The following PRSS21 variants were observed in gnomAD, a reference collection of about 807,000 sequenced individuals.
The protein encoded by PRSS21 is testisin.
PRSS21 carries 40 observed loss-of-function variants against 31.1 expected under a neutral mutation model. That is an observed-to-expected ratio of 1.29 (90% CI 1.00 to 1.68). PRSS21 has a LOEUF of 1.68. PRSS21 is among the 40% of genes most tolerant of loss of function. The pLI, the probability that PRSS21 is intolerant of heterozygous loss-of-function variation, is 0.00. For missense variants in PRSS21, 467 were observed against 412.6 expected, an observed-to-expected ratio of 1.13 and a Z score of -1.14; for synonymous variants, 186 against 167.7, an observed-to-expected ratio of 1.11 and a Z score of -0.84.
chr16:2,817,428 A>C lies in PRSS21; in HGVS notation c.65-2A>C. ...CGGGGAGTCACTTCTTGTCTCCCGC[A>C]GAGTCGCAGGAGGCGGCGCCGTTAT... is the stretch of plus-strand genomic sequence containing the variant. On this transcript the variant is annotated splice_acceptor_variant, in intron 1 of 5. Transcript: ENST00000005995. LOFTEE classifies it high-confidence loss of function. This position sits in a 1 kb window ranked among gnomAD's most constrained non-coding sequence, Gnocchi z 4.2. 3 of 1,577,136 alleles carry C rather than the reference A, an allele frequency of 1.9e-6. No individual in the cohort carries two copies. The highest frequency in any genetic ancestry group is 2.6e-6 in the Non-Finnish European group (3 of 1,165,058).
In PRSS21 at chr16:2,821,163, C is replaced by A. The variant is rs889815966; in HGVS notation, c.705+54C>A. On this transcript the variant is annotated intron_variant, in intron 5 of 5. Transcript: ENST00000005995. ...CAGGAAAGCATCCTGTGTCCCTGTG[C>A]CTTATTTGACCCTCATGCCAACCCC... 12 of 1,602,592 alleles carry A rather than the reference C, an allele frequency of 7.5e-6. No individual in the cohort carries two copies. In the Admixed American group the frequency reaches 1.8e-4, roughly 25 times the overall value.
intron 4 of PRSS21, 88 bp downstream of exon 4, chr16:2,819,057 G>T: frequency 6.8e-7 from 1 of 1,470,774 alleles, no homozygotes; most frequent in East Asian, 2.3e-5. Flanking sequence ...GCTTGGTCTG[G>T]GGGTGCAGGC....
intron 3 of PRSS21, among the ~76,000 whole-genome samples, chr16:2,818,407 G>A (rs2069115856): frequency 6.6e-6 from 1 of 152,142 alleles, no homozygotes; most frequent in Non-Finnish European, 1.5e-5. Flanking sequence ...TCCTCCTTGG[G>A]CTGCATGGGG....
intron 3 of PRSS21, 112 bp downstream of exon 3, chr16:2,818,078 C>A (rs898363372): frequency 3.8e-6 from 5 of 1,325,780 alleles, no homozygotes; most frequent in Non-Finnish European, 4.1e-6. Flanking sequence ...GAAAGTTGTG[C>A]GTGGATGCGG....
chr16:2,817,442 C>T lies in PRSS21; in HGVS notation c.77C>T (p.Ala26Val). ...AGLRKPESQE[A>V]APLSGPCGRR... ...TTGTCTCCCGCAGAGTCGCAGGAGG[C>T]GGCGCCGTTATCAGGTAGGGCGCCC... The change falls in exon 2 of 6, where the codon GCG becomes GTG. Residue 26 changes from alanine (A) to valine (V), a missense_variant. Transcript: ENST00000005995. The surrounding 1 kb of genome is among the most constrained non-coding windows in gnomAD (Gnocchi z 4.2). The T allele has an allele frequency of 6.6e-7, 1 of 1,510,070 alleles. No individual in the cohort carries two copies. The highest frequency in any genetic ancestry group is 1.5e-5 in the African/African-American group (1 of 67,894). The allele number at this position is 1,510,070 out of a possible 1,614,324, so 93.5% of individuals were successfully genotyped here.
intron 4 of PRSS21, among the ~76,000 whole-genome samples, 197 bp downstream of exon 4, chr16:2,819,166 G>A (rs943968525): frequency 6.6e-6 from 1 of 152,230 alleles, no homozygotes; most frequent in Non-Finnish European, 1.5e-5. Flanking sequence ...GAAGGAGAGT[G>A]TGAGAGGGAG....
intron 3 of PRSS21, 50 bp from the exon 4 acceptor site, chr16:2,818,627 T>A: frequency 1.3e-6 from 2 of 1,568,796 alleles, no homozygotes; most frequent in South Asian, 1.2e-5. Flanking sequence ...TGTGCTCAGG[T>A]AGCCAGCCCT....
At chr16:2,818,532 T>G (rs772895554) in intron 3 of PRSS21, 145 bp from the exon 4 acceptor site, 5 of 796,828 alleles carry the variant, frequency 6.3e-6, no homozygotes, top group Non-Finnish European at 7.9e-6. Flanking sequence ...GTGGTCTGTC[T>G]GGGCTCCTTC....
Position 2,818,781 on chromosome 16 carries a change from T to G in PRSS21, c.362T>G (p.Val121Gly), listed in dbSNP as rs1383490645. ...SLQAYYTRYFVSNIYLSPRYL... is the reference protein window; with the variant it reads ...SLQAYYTRYFGSNIYLSPRYL... The stretch of plus-strand genomic sequence containing the variant: ...CAGGCCTACTACACCCGTTACTTCG[T>G]ATCGAATATCTATCTGAGCCCTCGC... The change falls in exon 4 of 6, where the codon GTA (valine) becomes GGA (glycine). Residue 121 changes from valine to glycine, a missense_variant. Coordinates refer to ENST00000005995, the MANE Select transcript of PRSS21 (RefSeq NM_006799.4). The G allele has an allele frequency of 1.9e-6, 3 of 1,613,670 alleles. No individual in the cohort carries two copies. The Admixed American group carries it at 5.0e-5, about 27-fold the overall frequency.
intron 3 of PRSS21, among the ~76,000 whole-genome samples, 169 bp downstream of exon 3, chr16:2,818,135 C>G (rs1430707747): frequency 6.6e-6 from 1 of 152,196 alleles, no homozygotes; most frequent in African/African-American, 2.4e-5. Flanking sequence ...CGGTTACACC[C>G]ACTCCAGTTC....
intron 4 of PRSS21, among the ~76,000 whole-genome samples, chr16:2,820,103 A>C (rs1384842867): frequency 1.3e-5 from 2 of 152,260 alleles, no homozygotes; most frequent in East Asian, 3.9e-4. Context: ...GGGGACAGGC[A>C]CTTCTGGAGC....
rs776675143 is a variant in PRSS21 at position 2,817,390 on chromosome 16, G to A, written c.65-40G>A. 1.4e-5 allele frequency: 23 copies of A among 1,592,172 alleles called. No individual in the cohort carries two copies. Among genetic ancestry groups the A allele is most frequent in the East Asian group, 2.3e-5 (1 of 44,420 alleles). On this transcript the variant is annotated intron_variant, in intron 1 of 5. Transcript: ENST00000005995. The surrounding 1 kb of genome is among the most constrained non-coding windows in gnomAD (Gnocchi z 4.2). ...GGCGGGGGAGCGGTGGGGAGGACGG[G>A]AGGTGGAGGCCGCGGGGAGTCACTT...
chr16:2,817,728 GA>G lies in PRSS21; in HGVS notation c.92-71del. ...AAAACGTGCTTTCCCGGACGGGGTT[GA>G]AGGGGAGAAAGGGAGAGGTCGGGCT... is the stretch of plus-strand genomic sequence containing the variant. On this transcript the variant is annotated intron_variant, in intron 2 of 5. Transcript: ENST00000005995. This position sits in a 1 kb window ranked among gnomAD's most constrained non-coding sequence, Gnocchi z 4.2. 6.6e-7 allele frequency: 1 copy of G among 1,513,586 alleles called. No individual in the cohort carries two copies. The highest frequency in any genetic ancestry group is 8.9e-7 in the Non-Finnish European group (1 of 1,127,508). 93.8% of individuals were successfully genotyped at this position (1,513,586 alleles called of 1,614,324 possible). A position where few individuals can be genotyped will look rare whatever the true frequency, so the allele number is the denominator to read the frequency against.
Position 2,821,384 on chromosome 16 carries a change from T to C in PRSS21, c.724T>C (p.Leu242=). ...DACFGDSGGP[L]ACNKNGLWYQ... Reference sequence around the variant, plus strand: ...TCCCCAGGGTGACTCAGGTGGACCCTTGGCCTGTAACAAGAATGGACTGTG... The same window carrying C: ...TCCCCAGGGTGACTCAGGTGGACCCCTGGCCTGTAACAAGAATGGACTGTG... Residue 242 remains leucine (L), a synonymous_variant, in exon 6 of 6, where the codon TTG becomes CTG. Transcript: ENST00000005995. 3 of 1,614,196 alleles carry C rather than the reference T, an allele frequency of 1.9e-6. No homozygotes were observed. The highest frequency in any genetic ancestry group is 2.5e-6 in the Non-Finnish European group (3 of 1,180,018).
chr16:2,821,199 G>A (rs1279117634), intron 5 of PRSS21, 90 bp downstream of exon 5: 3 of 1,565,296 alleles, frequency 1.9e-6, no homozygotes, highest in Non-Finnish European at 2.6e-6. Context: ...GGGAGGTGGA[G>A]ACTGTTGCCC....
chr16:2,821,677 A>G lies in PRSS21; in HGVS notation c.*72A>G. ...TGGTTCTCTTCTGTCTTGTTTGGTAATAAACACATTCCAGTTGATGCCTTG... is the reference window on the plus strand; with the variant it reads ...TGGTTCTCTTCTGTCTTGTTTGGTAGTAAACACATTCCAGTTGATGCCTTG... On this transcript the variant is annotated 3_prime_UTR_variant, in exon 6 of 6. Coordinates refer to ENST00000005995, the MANE Select transcript of PRSS21 (RefSeq NM_006799.4). 6.5e-7 allele frequency: 1 copy of G among 1,530,666 alleles called. No individual in the cohort carries two copies. Among genetic ancestry groups the G allele is most frequent in the Non-Finnish European group, 8.9e-7 (1 of 1,129,282 alleles). The allele number at this position is 1,530,666 out of a possible 1,614,324, so 94.8% of individuals were successfully genotyped here.
intron 5 of PRSS21, 98 bp from the exon 6 acceptor site, chr16:2,821,268 C>T (rs865925677): frequency 5.0e-5 from 77 of 1,540,746 alleles, no homozygotes; most frequent in Middle Eastern, 4.2e-4. Flanking sequence ...GGAGGATGTG[C>T]ACCCAGTCTA....
intron 3 of PRSS21, 63 bp downstream of exon 3, chr16:2,818,029 A>G: frequency 6.7e-7 from 1 of 1,492,922 alleles, no homozygotes. Context: ...AGGGAGTGCC[A>G]CCGAACTTTA....
In PRSS21 at chr16:2,821,031, C is replaced by G. The variant is rs755853024; in HGVS notation, c.627C>G (p.Leu209=). 1.9e-6 allele frequency: 3 copies of G among 1,614,184 alleles called. No homozygotes were observed. The highest frequency in any genetic ancestry group is 3.3e-5 in the Admixed American group (2 of 60,026). The change falls in exon 5 of 6, where the codon CTC becomes CTG. Residue 209 remains leucine (L), a synonymous_variant. Transcript: ENST00000005995. The stretch of plus-strand genomic sequence containing the variant: ...ACTCTATGTGCAACCACCTCTTCCT[C>G]AAGTACAGTTTCCGCAAGGACATCT... ...INNSMCNHLF[L]KYSFRKDIFG... is the part of the protein sequence containing the mutation.
Sources: gnomAD v4.1 joint callset for allele counts (sites outside exome capture counted in the v4.1 genomes callset) on GRCh38, gnomAD v4.1.1 for gene constraint, Gnocchi (gnomAD v3.1) non-coding constraint, MANE v1.5 for transcripts, NCBI Gene and HGNC (gene_info 2026-07-23, HGNC 2026-07-21) for gene names.